The following PDE12 variants were observed in gnomAD, a reference collection of about 807,000 sequenced individuals.
PDE12 encodes the protein 2',5'-phosphodiesterase 12.
PDE12 carries 26 observed loss-of-function variants against 45.4 expected under a neutral mutation model. The observed-to-expected ratio is 0.57, with a 90% CI of 0.42 to 0.79. PDE12 has a LOEUF of 0.79. Among genes scored for constraint, PDE12 ranks in the 30% least tolerant of loss-of-function variants. PDE12 has a pLI of 0.00. For synonymous variants in PDE12, 283 were observed against 323.9 expected, an observed-to-expected ratio of 0.87 and a Z score of 1.36; for missense variants, 668 against 790.0, an observed-to-expected ratio of 0.85 and a Z score of 1.85.
At chr3:57,601,567 A>G in the PDE12 span, among the ~76,000 whole-genome samples, 17 of 152,250 alleles carry the variant, frequency 1.1e-4, no homozygotes, top group East Asian at 2.5e-3. Context: ...GAACCTGCAG[A>G]TGCAGAATGG....
chr3:57,600,381 CTTTCT>C, the PDE12 span, among the ~76,000 whole-genome samples: 1 of 151,222 alleles, frequency 6.6e-6, no homozygotes, highest in Non-Finnish European at 1.5e-5. Flanking sequence ...CTTTCTTTCT[CTTTCT>C]TTTCTTTCCT....
chr3:57,574,011 G>A, the PDE12 span, among the ~76,000 whole-genome samples: 4 of 151,840 alleles, frequency 2.6e-5, no homozygotes, highest in Admixed American at 1.3e-4. Flanking sequence ...GCGTGATCTC[G>A]GCTCACTGCA....
chr3:57,608,992 A>T, the PDE12 span, among the ~76,000 whole-genome samples: 3 of 152,120 alleles, frequency 2.0e-5, no homozygotes, highest in Non-Finnish European at 4.4e-5. Context: ...GAAGTAAAGC[A>T]CTCCTCAGCA....
the PDE12 span, among the ~76,000 whole-genome samples, chr3:57,629,369 A>G: frequency 1.3e-5 from 2 of 152,182 alleles, no homozygotes; most frequent in South Asian, 4.1e-4. Flanking sequence ...GTTTATGAGT[A>G]GAAAGTTAAC....
chr3:57,559,585 A>G lies in PDE12; in HGVS notation c.1411A>G (p.Met471Val). The change falls in exon 3 of 3, where the codon ATG (methionine) becomes GTG (valine). Residue 471 changes from methionine to valine, a missense_variant. Coordinates refer to ENST00000311180, the MANE Select transcript of PDE12 (RefSeq NM_177966.7). ...AGGTGGGTATATTCGCCTCATTCAA[A>G]TGGCAGTAGCCTTGGCTCACATAAG... ...PKGGYIRLIQ[M>V]AVALAHIRHV... 6.2e-7 allele frequency: 1 copy of G among 1,607,674 alleles called. No homozygotes were observed. Among genetic ancestry groups the G allele is most frequent in the Non-Finnish European group, 8.5e-7 (1 of 1,174,948 alleles).
chr3:57,561,649 G>C lies in PDE12; in HGVS notation c.*1645G>C, dbSNP rs982559407. ...TTTCTGCATTTAATTAATAGCTCGA[G>C]TATTAAAAGCCCACTCCCTTCAAGA... is the stretch of plus-strand genomic sequence containing the variant. On this transcript the variant is annotated 3_prime_UTR_variant, in exon 3 of 3. Transcript: ENST00000311180. 3.0e-5 allele frequency: 30 copies of C among 984,878 alleles called. No homozygotes were observed. The highest frequency in any genetic ancestry group is 1.0e-3 in the Middle Eastern group (2 of 1,936). 61.0% of individuals were successfully genotyped at this position (984,878 alleles called of 1,614,324 possible).
At chr3:57,577,869 C>T in the PDE12 span, among the ~76,000 whole-genome samples, 1 of 151,858 alleles carries the variant, frequency 6.6e-6, no homozygotes, top group Non-Finnish European at 1.5e-5. Flanking sequence ...GCCTGGGCAA[C>T]ATGGCGAAAG....
At chr3:57,572,402 A>G in the PDE12 span, 1 of 823,648 alleles carries the variant, frequency 1.2e-6, no homozygotes. Context: ...CACCTCTTGC[A>G]TCTCACAAAA....
chr3:57,583,777 T>A, the PDE12 span: 1 of 713,018 alleles, frequency 1.4e-6, no homozygotes, highest in Non-Finnish European at 2.4e-6. Flanking sequence ...GTGGAAGTGG[T>A]GATAAGACAA....
rs2069718825 is a variant in PDE12, at chr3:57,560,598, T to A, written c.*594T>A. On this transcript the variant is annotated 3_prime_UTR_variant, in exon 3 of 3. Transcript: ENST00000311180. ...ACCTCGGCCTCCCAAAGTGTTGGGA[T>A]TACAGGCGTGAGCCACCGCACCCGG... 1 of 965,392 alleles carries A rather than the reference T, an allele frequency of 1.0e-6. No individual in the cohort carries two copies. The highest frequency in any genetic ancestry group is 6.2e-5 in the Admixed American group (1 of 16,258). 59.8% of individuals were successfully genotyped at this position (965,392 alleles called of 1,614,324 possible). A position where few individuals can be genotyped will look rare whatever the true frequency, so the allele number is the denominator to read the frequency against.
chr3:57,609,426 CA>C, the PDE12 span, among the ~76,000 whole-genome samples: 436 of 151,856 alleles, frequency 2.9e-3, 15 homozygotes, highest in Admixed American at 0.027. Context: ...AAAAATCCTT[CA>C]AAAAAATCAA....
chr3:57,593,670 T>C, the PDE12 span, among the ~76,000 whole-genome samples: 1 of 152,230 alleles, frequency 6.6e-6, no homozygotes. Context: ...TTTTTGGATA[T>C]ATACATAATT....
At chr3:57,585,815 ACC>A in the PDE12 span, among the ~76,000 whole-genome samples, 1 of 152,000 alleles carries the variant, frequency 6.6e-6, no homozygotes, top group African/African-American at 2.4e-5. Flanking sequence ...GGTGCGTGCC[ACC>A]ACACCCCAGC....
chr3:57,656,310 T>C, the PDE12 span, among the ~76,000 whole-genome samples: 1 of 152,230 alleles, frequency 6.6e-6, no homozygotes, highest in South Asian at 2.1e-4. Context: ...TCACTTAGCA[T>C]AATGCTTTTG....
the PDE12 span, among the ~76,000 whole-genome samples, chr3:57,635,426 A>G: frequency 6.6e-6 from 1 of 152,198 alleles, no homozygotes; most frequent in South Asian, 2.1e-4. Context: ...AACAACCCTT[A>G]TAACAGACAG....
At chr3:57,594,006 A>G in the PDE12 span, among the ~76,000 whole-genome samples, 1 of 152,166 alleles carries the variant, frequency 6.6e-6, no homozygotes, top group Non-Finnish European at 1.5e-5. Context: ...TTGTAATCCT[A>G]GCACTTTGGG....
chr3:57,633,583 C>T, the PDE12 span, among the ~76,000 whole-genome samples: 1 of 152,060 alleles, frequency 6.6e-6, no homozygotes, highest in Non-Finnish European at 1.5e-5. Flanking sequence ...CTGTTCATCC[C>T]ATACTGTGAA....
the PDE12 span, among the ~76,000 whole-genome samples, chr3:57,598,627 A>T: frequency 6.6e-6 from 1 of 152,152 alleles, no homozygotes; most frequent in Non-Finnish European, 1.5e-5. Flanking sequence ...TAAAAATAGA[A>T]TAAATTAACC....
the PDE12 span, among the ~76,000 whole-genome samples, chr3:57,574,648 C>G: frequency 3.3e-5 from 5 of 152,046 alleles, 1 homozygote; most frequent in Admixed American, 2.0e-4. Flanking sequence ...CTCAAGCAAT[C>G]CTCCTGCCTT....
Sources: gnomAD v4.1 joint callset for allele counts (sites outside exome capture counted in the v4.1 genomes callset) on GRCh38, gnomAD v4.1.1 for gene constraint, MANE v1.5 for transcripts, NCBI Gene and HGNC (gene_info 2026-07-23, HGNC 2026-07-21) for gene names.